Variants in ABLIM1 observed in about 807,000 individuals in gnomAD.
ABLIM1 encodes actin-binding LIM protein 1.
In ABLIM1, 40 loss-of-function variants were observed where a neutral mutation model predicts 107.0. That is an observed-to-expected ratio of 0.37 (90% confidence interval 0.29 to 0.49). The LOEUF (loss-of-function observed/expected upper bound fraction) is 0.49, where lower values mean the gene tolerates loss of function less well. Among genes scored for constraint, ABLIM1 ranks in the 20% least tolerant of loss-of-function variants. The pLI, the probability that ABLIM1 is intolerant of heterozygous loss-of-function variation, is 0.97. For synonymous variants in ABLIM1, 357 were observed against 357.3 expected, an observed-to-expected ratio of 1.00 and a Z score of 0.01; for missense variants, 857 against 1,008.5, an observed-to-expected ratio of 0.85 and a Z score of 2.04.
chr10:114,469,478 C>T (rs915114120), intron 10 of ABLIM1, among the ~76,000 whole-genome samples: 3 of 152,214 alleles, frequency 2.0e-5, no homozygotes, highest in African/African-American at 7.2e-5. Context: ...CAGTGCTTTT[C>T]ACCCAGACAC....
At chr10:114,455,959 C>G (rs903600567) in intron 12 of ABLIM1, among the ~76,000 whole-genome samples, 3 of 152,168 alleles carry the variant, frequency 2.0e-5, no homozygotes, top group African/African-American at 7.2e-5. Flanking sequence ...ACTACAGGCG[C>G]CCGCCACCGC....
rs188724147 is a variant in ABLIM1, at chr10:114,521,389, A to C, written c.894+23616T>G. Among the ~76,000 whole-genome samples the C allele has an allele frequency of 5.9e-5, 9 of 152,390 alleles. No homozygotes were observed. In the East Asian group the frequency reaches 1.5e-3, roughly 26 times the overall value. ...GAAAGGACTTTGATGAAGTATGCTT[A>C]TAAAGTGCTAAGGCAATAAGAACAA... On this transcript the variant is annotated intron_variant, in intron 6 of 22. Transcript: ENST00000533213.
intron 1 of ABLIM1, among the ~76,000 whole-genome samples, chr10:114,682,740 G>A (rs2080799720): frequency 1.3e-5 from 2 of 152,168 alleles, no homozygotes; most frequent in South Asian, 4.1e-4. Flanking sequence ...ATGCCACGGA[G>A]TAGAAGGGAG....
At chr10:114,731,294 C>T (rs925001429) in intron 1 of ABLIM1, among the ~76,000 whole-genome samples, 3 of 151,660 alleles carry the variant, frequency 2.0e-5, no homozygotes, top group African/African-American at 7.3e-5. Context: ...GTGCCTGCCA[C>T]CACACCCAGA....
intron 1 of ABLIM1, among the ~76,000 whole-genome samples, chr10:114,735,748 G>T (rs866123335): frequency 6.6e-6 from 1 of 152,182 alleles, no homozygotes; most frequent in South Asian, 2.1e-4. Context: ...GATTACAGGC[G>T]TGAGCCACCA....
intron 7 of ABLIM1, among the ~76,000 whole-genome samples, chr10:114,488,480 C>T (rs77043423): frequency 0.082 from 12,449 of 152,228 alleles, 517 homozygotes; most frequent in African/African-American, 0.095. Flanking sequence ...GCAAGACTTA[C>T]TGAATTTTTC....
At chr10:114,714,697 T>C (rs778183937) in intron 1 of ABLIM1, among the ~76,000 whole-genome samples, 6 of 152,194 alleles carry the variant, frequency 3.9e-5, no homozygotes, top group Non-Finnish European at 8.8e-5. Context: ...TTGGTTTGGC[T>C]TGGTTTCAAG....
chr10:114,559,606 A>G (rs1460187846), intron 4 of ABLIM1, among the ~76,000 whole-genome samples: 8 of 152,190 alleles, frequency 5.3e-5, no homozygotes, highest in Non-Finnish European at 8.8e-5. Flanking sequence ...CACCTAGCAC[A>G]TGGCTCTACC....
Position 114,436,022 on chromosome 10 carries a change from A to T in ABLIM1, c.*238T>A. On this transcript the variant is annotated 3_prime_UTR_variant, in exon 23 of 23. Coordinates refer to ENST00000533213, the MANE Select transcript of ABLIM1 (RefSeq NM_002313.7). Reference sequence around the variant, plus strand: ...ACATAAGGTAATGTGAAAAGCTCACATGTGGACACTACTCTGTGTTTCGGA... The same window carrying T: ...ACATAAGGTAATGTGAAAAGCTCACTTGTGGACACTACTCTGTGTTTCGGA... 3.9e-6 allele frequency: 2 copies of T among 510,960 alleles called. No individual in the cohort carries two copies. Among genetic ancestry groups the T allele is most frequent in the Non-Finnish European group, 7.0e-6 (2 of 285,116 alleles). 31.7% of individuals were successfully genotyped at this position (510,960 alleles called of 1,614,324 possible).
chr10:114,526,780 A>G lies in ABLIM1; in HGVS notation c.894+18225T>C, dbSNP rs982443308. On this transcript the variant is annotated intron_variant, in intron 6 of 22. Coordinates refer to ENST00000533213, the MANE Select transcript of ABLIM1 (RefSeq NM_002313.7). ...TTTGTAGATGCCAGACCTCAGCCCG[A>G]CAGACTGAGGCTCCCACCTGCCTGG... 3 of 985,358 alleles carry G rather than the reference A, an allele frequency of 3.0e-6. No homozygotes were observed. The African/African-American group carries it at 5.2e-5, about 17-fold the overall frequency. The allele number at this position is 985,358 out of a possible 1,614,324, so 61.0% of individuals were successfully genotyped here. A position where few individuals can be genotyped will look rare whatever the true frequency, so the allele number is the denominator to read the frequency against.
chr10:114,792,091 C>G, the ABLIM1 span, among the ~76,000 whole-genome samples: 1 of 152,154 alleles, frequency 6.6e-6, no homozygotes, highest in South Asian at 2.1e-4. Context: ...GAGGCCAAGG[C>G]GGACGGATTG....
rs1033869763 is a variant in ABLIM1 at position 114,580,550 on chromosome 10, T to C, written c.380-4951A>G. ...TTTCTCCTTGGAACCAACTTTAACA[T>C]CCTGCTGGTTCTGTCATTAATAAGT... On this transcript the variant is annotated intron_variant, in intron 2 of 22. Coordinates refer to ENST00000533213, the MANE Select transcript of ABLIM1 (RefSeq NM_002313.7). Among the ~76,000 whole-genome samples the C allele has an allele frequency of 2.0e-5, 3 of 152,140 alleles. No individual in the cohort carries two copies. The East Asian group carries it at 5.8e-4, about 29-fold the overall frequency.
intron 12 of ABLIM1, among the ~76,000 whole-genome samples, chr10:114,455,665 C>T (rs956936022): frequency 6.6e-6 from 1 of 152,056 alleles, no homozygotes; most frequent in African/African-American, 2.4e-5. Flanking sequence ...TTGAAGGAGG[C>T]CAATTAATTA....
rs1053248198 is a variant in ABLIM1 at position 114,508,137 on chromosome 10, A to G, written c.895-16259T>C. Among the ~76,000 whole-genome samples, 3 of 152,192 alleles carry G rather than the reference A, an allele frequency of 2.0e-5. No homozygotes were observed. The East Asian group carries it at 5.8e-4, about 29-fold the overall frequency. On this transcript the variant is annotated intron_variant, in intron 6 of 22. Transcript: ENST00000533213. ...GAAATACCAGGCTTTGTTGCATTTC[A>G]TGACATTACAAAATTTTTTTTCTAC...
chr10:114,787,511 G>T, the ABLIM1 span, among the ~76,000 whole-genome samples: 311 of 115,396 alleles, frequency 2.7e-3, no homozygotes, highest in African/African-American at 0.01. Flanking sequence ...CCGGCCAGCC[G>T]CCCTGTCCGG....
chr10:114,679,434 A>C (rs145623095), intron 1 of ABLIM1, among the ~76,000 whole-genome samples: 3,098 of 152,108 alleles, frequency 0.02, 106 homozygotes, highest in African/African-American at 0.071. Context: ...CGGGAGTTTG[A>C]GACCAGCCTG....
At position 114,509,903 on chromosome 10, in the gene ABLIM1, C is replaced by T. The variant is rs532568697; in HGVS notation, c.895-18025G>A. Among the ~76,000 whole-genome samples the T allele has an allele frequency of 1.6e-4, 25 of 152,308 alleles. No homozygotes were observed. In the South Asian group the frequency reaches 1.9e-3, roughly 11 times the overall value. ...ACACGGGGAGGCCTCACAATCATGG[C>T]GGAAGATGAAGAAAGAGCAAAGGGA... is the stretch of plus-strand genomic sequence containing the variant. On this transcript the variant is annotated intron_variant, in intron 6 of 22. Coordinates refer to ENST00000533213, the MANE Select transcript of ABLIM1 (RefSeq NM_002313.7).
chr10:114,497,864 G>A (rs908542954), intron 6 of ABLIM1, among the ~76,000 whole-genome samples: 1 of 152,096 alleles, frequency 6.6e-6, no homozygotes, highest in Non-Finnish European at 1.5e-5. Context: ...AAAATTGTTT[G>A]CCTTTAATAG....
At chr10:114,769,422 GGAAAGAAAGAAA>G (rs201904899), upstream of ABLIM1, among the ~76,000 whole-genome samples, 1,891 of 51,766 alleles carry the variant, frequency 0.037, 11 homozygotes, top group Middle Eastern at 0.069. Context: ...AAGAAAAGAA[GGAAAGAAAGAAA>G]GAAAGAAAGA....
Sources: gnomAD v4.1 joint callset for allele counts (sites outside exome capture counted in the v4.1 genomes callset) on GRCh38, gnomAD v4.1.1 for gene constraint, MANE v1.5 for transcripts, NCBI Gene and HGNC (gene_info 2026-07-23, HGNC 2026-07-21) for gene names.